Variants in CHD4 observed in about 807,000 individuals in gnomAD.
The protein encoded by CHD4 is ATP-dependent chromatin remodeler CHD4.
In CHD4, 35 loss-of-function variants were observed where a neutral mutation model predicts 235.5. The ratio of observed to expected loss-of-function variants is 0.15; its 90% CI spans 0.11 to 0.20. The LOEUF is 0.20. Among genes scored for constraint, CHD4 ranks in the 10% least tolerant of loss-of-function variants. The probability of loss-of-function intolerance (pLI) is 1.00; values close to 1 mark genes in which losing one functional copy is unlikely to be tolerated. For missense variants in CHD4, 1,329 were observed against 2,432.3 expected (o/e 0.55, Z 9.54); for synonymous variants, 900 against 850.2 (o/e 1.06, Z -1.02).
chr12:6,600,429 A>G (rs762601008), intron 8 of CHD4, 34 bp from the exon 9 acceptor site: 8 of 1,611,028 alleles, frequency 5.0e-6, no homozygotes, highest in East Asian at 2.2e-5. Flanking sequence ...CAGTTATTGG[A>G]AAAAAACTAC....
At position 6,593,609 on chromosome 12, in the gene CHD4, G is replaced by C; in HGVS notation, c.2321C>G (p.Ser774Cys). 1 of 1,614,058 alleles carries C rather than the reference G, an allele frequency of 6.2e-7. No homozygotes were observed. Among genetic ancestry groups the C allele is most frequent in the Non-Finnish European group, 8.5e-7 (1 of 1,180,016 alleles). Residue 774 changes from serine (S) to cysteine (C), a missense_variant, in exon 16 of 40, where the codon TCC (serine) becomes TGC (cysteine). Physicochemically the swap from Ser to Cys is moderately radical, Grantham distance 112. Around this residue, in one of 26 missense-constraint regions of CHD4, gnomAD observed 78 missense variants for 174.8 expected, o/e 0.45. Coordinates refer to ENST00000544040, the MANE Select transcript of CHD4 (RefSeq NM_001273.5). The surrounding 1 kb of genome is among the most constrained non-coding windows in gnomAD (Gnocchi z 4.9). Reference sequence around the variant, plus strand: ...GGCGCTCACTAGGAAGGGGCCTTTGGAATGACCCTTTGAGAAAAAAGAGGA... The same window carrying C: ...GGCGCTCACTAGGAAGGGGCCTTTGCAATGACCCTTTGAGAAAAAAGAGGA... Reference protein sequence around the residue: ...FLYSLYKEGHSKGPFLVSAPL... With the variant: ...FLYSLYKEGHCKGPFLVSAPL...
chr12:6,578,265 C>T, intron 35 of CHD4, 128 bp from the exon 36 acceptor site: 1 of 1,364,606 alleles, frequency 7.3e-7, no homozygotes, highest in Non-Finnish European at 1.0e-6. Flanking sequence ...TTGCTTCTGG[C>T]TTTCTCCACA....
At chr12:6,585,411 A>G (rs888288589) in intron 25 of CHD4, among the ~76,000 whole-genome samples, 57 of 151,596 alleles carry the variant, frequency 3.8e-4, no homozygotes, top group Non-Finnish European at 6.0e-4. Context: ...AGCCTCCCGA[A>G]TAGCTGGGAC....
At chr12:6,588,206 C>T in intron 23 of CHD4, 92 bp downstream of exon 23, 5 of 1,487,644 alleles carry the variant, frequency 3.4e-6, no homozygotes, top group Non-Finnish European at 4.5e-6. Context: ...CACTTAAAAA[C>T]CTAATTCCAG....
intron 21 of CHD4, 32 bp downstream of exon 21, chr12:6,591,662 C>T: frequency 6.2e-7 from 1 of 1,614,148 alleles, no homozygotes; most frequent in Non-Finnish European, 8.5e-7. Context: ...TTGTCTATGA[C>T]TGTTCCCTAA....
chr12:6,606,255 C>A lies in CHD4; in HGVS notation c.100+19G>T, dbSNP rs779115050. On this transcript the variant is annotated intron_variant, in intron 2 of 39. Coordinates refer to ENST00000544040, the MANE Select transcript of CHD4 (RefSeq NM_001273.5). ...CCAGATGTCTCCTTCCCGCCATGGGCCCTTGGGGAAGATGTTACCTGGGTG... is the reference window on the plus strand; with the variant it reads ...CCAGATGTCTCCTTCCCGCCATGGGACCTTGGGGAAGATGTTACCTGGGTG... 5.9e-6 allele frequency: 9 copies of A among 1,516,334 alleles called. No individual in the cohort carries two copies. Among genetic ancestry groups the A allele is most frequent in the Non-Finnish European group, 8.1e-6 (9 of 1,105,158 alleles). The allele number at this position is 1,516,334 out of a possible 1,614,324, so 93.9% of individuals were successfully genotyped here.
intron 25 of CHD4, chr12:6,586,724 A>G (rs1471603755): frequency 2.6e-5 from 4 of 151,480 alleles, no homozygotes; most frequent in African/African-American, 7.3e-5. Flanking sequence ...TTTCAAACAC[A>G]GTCTGGCTCT....
At chr12:6,586,191 G>A (rs1447763609) in intron 25 of CHD4, among the ~76,000 whole-genome samples, 3 of 151,824 alleles carry the variant, frequency 2.0e-5, no homozygotes, top group Admixed American at 6.6e-5. Flanking sequence ...AAGGTCAGGA[G>A]ATCGAGACCA....
chr12:6,593,766 C>T lies in CHD4; in HGVS notation c.2314-150G>A. On this transcript the variant is annotated intron_variant, in intron 15 of 39. Transcript: ENST00000544040. The surrounding 1 kb of genome is among the most constrained non-coding windows in gnomAD (Gnocchi z 4.9). ...GCTCTCACCTTCCTCTATACAAGTG[C>T]CCAGCCCACTCCTTTCCAAAAACCC... is the stretch of plus-strand genomic sequence containing the variant. 1.5e-6 allele frequency: 1 copy of T among 672,716 alleles called. No individual in the cohort carries two copies. 41.7% of individuals were successfully genotyped at this position (672,716 alleles called of 1,614,324 possible). A position where few individuals can be genotyped will look rare whatever the true frequency, so the allele number is the denominator to read the frequency against.
Position 6,574,495 on chromosome 12 carries a change from A to T in CHD4, c.5362-1226T>A, listed in dbSNP as rs138984606. On this transcript the variant is annotated intron_variant, in intron 37 of 39. Transcript: ENST00000544040. Reference sequence around the variant, plus strand: ...ATGTTGGTTCTTAATTTATGAAAAGATTTTAATTACTTAAAAAATATATTC... The same window carrying T: ...ATGTTGGTTCTTAATTTATGAAAAGTTTTTAATTACTTAAAAAATATATTC... Among the ~76,000 whole-genome samples, 6 of 152,378 alleles carry T rather than the reference A, an allele frequency of 3.9e-5. No individual in the cohort carries two copies. The East Asian group carries it at 1.2e-3, about 29-fold the overall frequency.
intron 25 of CHD4, chr12:6,584,286 C>T (rs562574396): frequency 6.6e-6 from 1 of 152,056 alleles, no homozygotes; most frequent in African/African-American, 2.4e-5. Flanking sequence ...TTTGTATACA[C>T]ATAAAATATT....
chr12:6,589,795 T>C (rs1948359762), intron 22 of CHD4, among the ~76,000 whole-genome samples: 1 of 151,116 alleles, frequency 6.6e-6, no homozygotes. Flanking sequence ...GGACACATCA[T>C]CACCTCTGTG....
At chr12:6,591,654 G>A (rs373865214) in intron 21 of CHD4, 40 bp downstream of exon 21, 5 of 1,614,136 alleles carry the variant, frequency 3.1e-6, no homozygotes, top group Non-Finnish European at 3.4e-6. Flanking sequence ...ACTAAGGGTT[G>A]TCTATGACTG....
chr12:6,602,289 A>C, intron 3 of CHD4, 87 bp downstream of exon 3: 1 of 1,601,824 alleles, frequency 6.2e-7, no homozygotes, highest in Non-Finnish European at 8.5e-7. Flanking sequence ...CTTCTGAGAA[A>C]GAAACAAATG....
chr12:6,582,206 G>C lies in CHD4; in HGVS notation c.4446C>G (p.Val1482=). The change falls in exon 30 of 40, where the codon GTC becomes GTG. Residue 1482 remains valine, a synonymous_variant. Coordinates refer to ENST00000544040, the MANE Select transcript of CHD4 (RefSeq NM_001273.5). ...ADGAETFADG[V]PREGLSRQHV... ...GCTGGCGAGACAGGCCTTCTCGGGG[G>C]ACACCATCAGCAAAGGTCTCAGCCC... The C allele has an allele frequency of 1.9e-6, 3 of 1,602,852 alleles. No individual in the cohort carries two copies. The highest frequency in any genetic ancestry group is 1.1e-5 in the South Asian group (1 of 90,398).
intron 33 of CHD4, chr12:6,579,505 A>C (rs1307494423): frequency 6.2e-6 from 1 of 160,576 alleles, no homozygotes; most frequent in African/African-American, 2.4e-5. Context: ...AATTGTTTGA[A>C]CCCAGGAGGT....
chr12:6,605,569 C>T (rs1365178000), intron 2 of CHD4, among the ~76,000 whole-genome samples: 2 of 152,164 alleles, frequency 1.3e-5, no homozygotes, highest in Non-Finnish European at 2.9e-5. Flanking sequence ...CTCATAGAGA[C>T]AGAAGCCACT....
intron 13 of CHD4, 128 bp from the exon 14 acceptor site, chr12:6,595,558 CG>C: frequency 1.4e-6 from 1 of 699,236 alleles, no homozygotes; most frequent in Non-Finnish European, 2.4e-6. Flanking sequence ...GAGGCTGAGA[CG>C]GGCGGATCAC....
chr12:6,578,375 C>A, intron 35 of CHD4, 34 bp downstream of exon 35: 1 of 1,600,388 alleles, frequency 6.2e-7, no homozygotes, highest in South Asian at 1.1e-5. Context: ...CACATCAGAT[C>A]CTTCTAACCC....
Sources: allele counts gnomAD v4.1 joint callset (sites outside exome capture counted in the v4.1 genomes callset), GRCh38; gene constraint gnomAD v4.1.1; regional missense constraint gnomAD v4.1.1; non-coding constraint Gnocchi (gnomAD v3.1); transcripts MANE v1.5; gene names NCBI Gene and HGNC (gene_info 2026-07-23, HGNC 2026-07-21).